The following SLIT2 variants were observed in gnomAD, a reference collection of about 807,000 sequenced individuals.
SLIT2 encodes the protein slit homolog 2 protein.
A neutral mutation model predicts 185.7 loss-of-function variants in SLIT2; 41 were observed. The observed-to-expected ratio is 0.22, with a 90% confidence interval of 0.17 to 0.29. SLIT2 has a LOEUF of 0.29. Among genes scored for constraint, SLIT2 ranks in the 10% least tolerant of loss-of-function variants. The pLI is 1.00. For missense variants in SLIT2, 1,571 were observed against 1,909.0 expected, an observed-to-expected ratio of 0.82 and a Z score of 3.30; for synonymous variants, 693 against 680.2, an observed-to-expected ratio of 1.02 and a Z score of -0.29.
chr4:20,296,514 C>G (rs1242525498), intron 4 of SLIT2, among the ~76,000 whole-genome samples: 2 of 152,120 alleles, frequency 1.3e-5, no homozygotes, highest in Admixed American at 6.5e-5. Context: ...ACCTGTAGGA[C>G]TGACAAGTGA....
rs564749204 is a variant in SLIT2, at chr4:20,472,243, T to G, written c.467+4420T>G. Among the ~76,000 whole-genome samples the G allele has an allele frequency of 9.8e-4, 51 of 52,204 alleles. 4 individuals carry two copies. The highest frequency in any genetic ancestry group is 1.3e-3 in the Non-Finnish European group (37 of 28,616). The allele number at this position is 52,204 out of a possible 152,430, so 34.2% of individuals were successfully genotyped here. ...GTGTGTATATATATATAGATCTATA[T>G]ATCTATATATAGATCTATATATAGA... On this transcript the variant is annotated intron_variant, in intron 5 of 36. Coordinates refer to ENST00000504154, the MANE Select transcript of SLIT2 (RefSeq NM_004787.4).
At chr4:20,501,347 G>A (rs948770166) in intron 9 of SLIT2, among the ~76,000 whole-genome samples, 11 of 152,056 alleles carry the variant, frequency 7.2e-5, no homozygotes, top group South Asian at 4.1e-4. Flanking sequence ...GTGCAGTGGC[G>A]TGATCTCGGC....
At chr4:20,277,808 C>T (rs1259074750) in intron 4 of SLIT2, among the ~76,000 whole-genome samples, 1 of 148,800 alleles carries the variant, frequency 6.7e-6, no homozygotes, top group Non-Finnish European at 1.5e-5. Flanking sequence ...AAGAATAATG[C>T]CATTAATATG....
chr4:20,551,337 A>G (rs1009938160), intron 25 of SLIT2, among the ~76,000 whole-genome samples: 2 of 152,204 alleles, frequency 1.3e-5, no homozygotes, highest in African/African-American at 2.4e-5. Flanking sequence ...GTGGCACCAC[A>G]CAAAAATAAA....
intron 4 of SLIT2, among the ~76,000 whole-genome samples, chr4:20,454,895 A>C (rs1410895018): frequency 6.6e-6 from 1 of 152,106 alleles, no homozygotes. Flanking sequence ...ATATTTCAAC[A>C]CCATTACATT....
At chr4:20,569,976 T>C (rs1372131242) in intron 29 of SLIT2, among the ~76,000 whole-genome samples, 1 of 152,080 alleles carries the variant, frequency 6.6e-6, no homozygotes, top group Non-Finnish European at 1.5e-5. Flanking sequence ...CAGGGATTTG[T>C]TGGAAAATTA....
chr4:20,292,204 T>G (rs1716021975), intron 4 of SLIT2, among the ~76,000 whole-genome samples: 1 of 152,168 alleles, frequency 6.6e-6, no homozygotes, highest in African/African-American at 2.4e-5. Context: ...AACCTCTTCA[T>G]GTCTGCTCTG....
chr4:20,542,435 C>T (rs944983274), intron 20 of SLIT2, 59 bp from the exon 21 acceptor site: 26 of 1,550,718 alleles, frequency 1.7e-5, no homozygotes, highest in Admixed American at 3.5e-5. Context: ...GCATAAAATC[C>T]CTTCTAGCAC....
chr4:20,530,504 A>G (rs150501308), intron 16 of SLIT2, among the ~76,000 whole-genome samples: 1 of 151,934 alleles, frequency 6.6e-6, no homozygotes, highest in Non-Finnish European at 1.5e-5. Flanking sequence ...GCTGGTCTTG[A>G]ACTCCTGAGC....
intron 4 of SLIT2, among the ~76,000 whole-genome samples, chr4:20,451,459 T>A (rs932123107): frequency 9.9e-5 from 15 of 152,196 alleles, no homozygotes; most frequent in African/African-American, 3.6e-4. Context: ...TGAATTCTTT[T>A]AAGATATAAA....
At chr4:20,492,986 T>G (rs187805173) in intron 9 of SLIT2, among the ~76,000 whole-genome samples, 398 of 152,274 alleles carry the variant, frequency 2.6e-3, no homozygotes, top group Non-Finnish European at 4.2e-3. Flanking sequence ...TGACACTGAA[T>G]AACATATAAA....
At chr4:20,537,253 C>T (rs1722381039) in intron 18 of SLIT2, among the ~76,000 whole-genome samples, 1 of 152,158 alleles carries the variant, frequency 6.6e-6, no homozygotes, top group African/African-American at 2.4e-5. Flanking sequence ...TTTATTTACA[C>T]CAGTATCACC....
chr4:20,318,304 G>A (rs745462095), intron 4 of SLIT2, among the ~76,000 whole-genome samples: 3 of 152,048 alleles, frequency 2.0e-5, no homozygotes, highest in African/African-American at 7.2e-5. Flanking sequence ...AAAGAAGCTC[G>A]GGCCTAGCTT....
At chr4:20,446,328 G>A (rs1335890972) in intron 4 of SLIT2, among the ~76,000 whole-genome samples, 1 of 152,178 alleles carries the variant, frequency 6.6e-6, no homozygotes, top group Non-Finnish European at 1.5e-5. Flanking sequence ...TCAATGTGAT[G>A]TTATATGGTT....
At chr4:20,411,289 A>G (rs139424879) in intron 4 of SLIT2, among the ~76,000 whole-genome samples, 57 of 152,340 alleles carry the variant, frequency 3.7e-4, no homozygotes, top group African/African-American at 1.3e-3. Flanking sequence ...ATATTAGTAG[A>G]TAACACTTAC....
chr4:20,559,279 A>G (rs1021291288), intron 26 of SLIT2, among the ~76,000 whole-genome samples: 1 of 152,024 alleles, frequency 6.6e-6, no homozygotes, highest in African/African-American at 2.4e-5. Flanking sequence ...AGTATACCTT[A>G]AATAGCAAAC....
chr4:20,598,923 T>G (rs1728199215), intron 33 of SLIT2, among the ~76,000 whole-genome samples: 1 of 152,130 alleles, frequency 6.6e-6, no homozygotes, highest in African/African-American at 2.4e-5. Flanking sequence ...TAATGTAGCT[T>G]GCACATGAGC....
intron 9 of SLIT2, among the ~76,000 whole-genome samples, chr4:20,502,298 A>C (rs903637599): frequency 2.0e-5 from 3 of 152,230 alleles, no homozygotes; most frequent in Admixed American, 6.5e-5. Context: ...GTTTCTCTTC[A>C]AAAGTCCAAG....
chr4:20,566,415 C>T (rs780703653), intron 26 of SLIT2, among the ~76,000 whole-genome samples: 3 of 152,028 alleles, frequency 2.0e-5, no homozygotes, highest in East Asian at 3.9e-4. Flanking sequence ...GTGGAACATA[C>T]TTTTATTGAG....
Sources: gnomAD v4.1 joint callset for allele counts (sites outside exome capture counted in the v4.1 genomes callset) on GRCh38, gnomAD v4.1.1 for gene constraint, MANE v1.5 for transcripts, NCBI Gene and HGNC (gene_info 2026-07-23, HGNC 2026-07-21) for gene names.